The following PRKN variants were observed in gnomAD, a reference collection of about 807,000 sequenced individuals.
The protein encoded by PRKN is parkin RBR E3 ubiquitin protein ligase.
PRKN carries 56 observed loss-of-function variants against 59.5 expected under a neutral mutation model. The ratio of observed to expected loss-of-function variants is 0.94; its 90% CI spans 0.76 to 1.18. PRKN has a LOEUF of 1.18. PRKN is among the 50% of genes most tolerant of loss of function. The pLI is 0.00. For missense variants in PRKN, 657 were observed against 596.4 expected, an observed-to-expected ratio of 1.10 and a Z score of -1.06; for synonymous variants, 250 against 222.1, an observed-to-expected ratio of 1.13 and a Z score of -1.12.
chr6:162,642,517 G>C (rs1161116228), intron 1 of PRKN, among the ~76,000 whole-genome samples: 2 of 151,734 alleles, frequency 1.3e-5, no homozygotes, highest in Non-Finnish European at 2.9e-5. Flanking sequence ...TAAAATCATT[G>C]GTCAAAACTG....
chr6:162,166,654 G>C (rs1015375054), intron 4 of PRKN, among the ~76,000 whole-genome samples: 1 of 152,116 alleles, frequency 6.6e-6, no homozygotes, highest in Non-Finnish European at 1.5e-5. Flanking sequence ...AAAATGAGAC[G>C]AATTGGTAAG....
intron 2 of PRKN, among the ~76,000 whole-genome samples, chr6:162,424,012 A>G (rs1365003274): frequency 1.3e-5 from 2 of 152,206 alleles, no homozygotes; most frequent in Non-Finnish European, 2.9e-5. Flanking sequence ...GTGTCCTCAT[A>G]GGGTGAACAG....
chr6:162,547,817 G>A (rs1226272307), intron 1 of PRKN, among the ~76,000 whole-genome samples: 2 of 151,924 alleles, frequency 1.3e-5, no homozygotes, highest in East Asian at 3.9e-4. Flanking sequence ...CCTGACCTCA[G>A]GAGATACATC....
At chr6:161,600,438 T>C (rs1782066439) in intron 7 of PRKN, among the ~76,000 whole-genome samples, 1 of 152,226 alleles carries the variant, frequency 6.6e-6, no homozygotes, top group African/African-American at 2.4e-5. Flanking sequence ...TTGTTAATCA[T>C]TCTCTGTCCA....
intron 1 of PRKN, chr6:162,643,844 T>C (rs1778063068): frequency 6.6e-6 from 1 of 152,218 alleles, no homozygotes; most frequent in African/African-American, 2.4e-5. Flanking sequence ...AATACTCATT[T>C]TACTTCGTGT....
intron 1 of PRKN, among the ~76,000 whole-genome samples, chr6:162,686,403 T>C (rs1353144175): frequency 1.3e-5 from 2 of 152,104 alleles, no homozygotes; most frequent in African/African-American, 2.4e-5. Flanking sequence ...ACGGCTGATT[T>C]TGGAGGAGAA....
rs937893302 is a variant in PRKN at position 162,372,763 on chromosome 6, T to A, written c.171+70547A>T. 4.6e-5 allele frequency among the ~76,000 whole-genome samples: 7 copies of A among 152,146 alleles called. No individual in the cohort carries two copies. The East Asian group carries it at 7.7e-4, about 17-fold the overall frequency. On this transcript the variant is annotated intron_variant, in intron 2 of 11. Transcript: ENST00000366898. ...ATTACAAATAAATGAATAAATAAAA[T>A]TTTTTAAAATACAGTTAAGAAGGGG...
intron 2 of PRKN, among the ~76,000 whole-genome samples, chr6:162,315,721 A>G (rs1782728976): frequency 6.6e-6 from 1 of 152,094 alleles, no homozygotes; most frequent in African/African-American, 2.4e-5. Context: ...TTTTTTGGAA[A>G]TGGCTTAAAA....
In PRKN at chr6:161,445,804, C is replaced by CCTTCCCTTCCCTTCT. The variant is rs1789460238; in HGVS notation, c.1084-58928_1084-58927insAGAAGGGAAGGGAAG. ...CAAAGAATACAAGGGGTTTCCCTTCCCTTCCCTTCCCTTCCCTTCCCTTCC... is the reference window on the plus strand; with the variant it reads ...CAAAGAATACAAGGGGTTTCCCTTCCCTTCCCTTCCCTTCTCTTCCCTTCCCTTCCCTTCCCTTCC... On this transcript the variant is annotated intron_variant, in intron 9 of 11. Coordinates refer to ENST00000366898, the MANE Select transcript of PRKN (RefSeq NM_004562.3). This position sits in a 1 kb window ranked among gnomAD's most constrained non-coding sequence, Gnocchi z 7.7. Among the ~76,000 whole-genome samples the CCTTCCCTTCCCTTCT allele has an allele frequency of 2.2e-5, 2 of 88,926 alleles. No homozygotes were observed. The highest frequency in any genetic ancestry group is 5.2e-5 in the Non-Finnish European group (2 of 38,232). The allele number at this position is 88,926 out of a possible 152,430, so 58.3% of individuals were successfully genotyped here. A position where few individuals can be genotyped will look rare whatever the true frequency, so the allele number is the denominator to read the frequency against.
In PRKN at chr6:161,399,295, T is replaced by C. The variant is rs943052781; in HGVS notation, c.1084-12418A>G. 6.6e-6 allele frequency among the ~76,000 whole-genome samples: 1 copy of C among 152,076 alleles called. No homozygotes were observed. Among genetic ancestry groups the C allele is most frequent in the Non-Finnish European group, 1.5e-5 (1 of 68,006 alleles). ...ATTTTTCTGGATGCCAGACAAGAAC[T>C]TGGAATATGGAAAGCTGTCACACTG... is the stretch of plus-strand genomic sequence containing the variant. On this transcript the variant is annotated intron_variant, in intron 9 of 11. Transcript: ENST00000366898. The surrounding 1 kb of genome is among the most constrained non-coding windows in gnomAD (Gnocchi z 4.4).
intron 2 of PRKN, among the ~76,000 whole-genome samples, chr6:162,387,065 T>C (rs527738101): frequency 6.6e-6 from 1 of 152,102 alleles, no homozygotes; most frequent in Non-Finnish European, 1.5e-5. Context: ...CATTTATTTA[T>C]TTATTTTTAA....
At chr6:162,329,629 A>C (rs192922610) in intron 2 of PRKN, among the ~76,000 whole-genome samples, 1 of 152,120 alleles carries the variant, frequency 6.6e-6, no homozygotes, top group Non-Finnish European at 1.5e-5. Context: ...AGAGGAATAT[A>C]AAGGGGAACT....
At position 162,519,229 on chromosome 6, in the gene PRKN, A is replaced by G. The variant is rs1388643148; in HGVS notation, c.8-75756T>C. 3.3e-5 allele frequency among the ~76,000 whole-genome samples: 5 copies of G among 152,300 alleles called. No individual in the cohort carries two copies. In the East Asian group the frequency reaches 5.8e-4, roughly 18 times the overall value. ...AGGGAGGGTCAGTATTTACGAAGTG[A>G]CTCATTTAAAATACGGAATAACTTA... On this transcript the variant is annotated intron_variant, in intron 1 of 11. Coordinates refer to ENST00000366898, the MANE Select transcript of PRKN (RefSeq NM_004562.3).
At position 162,667,203 on chromosome 6, in the gene PRKN, G is replaced by A. The variant is rs921058442; in HGVS notation, c.7+60459C>T. 5.5e-4 allele frequency among the ~76,000 whole-genome samples: 84 copies of A among 151,994 alleles called. 4 individuals carry two copies. Among genetic ancestry groups the A allele is most frequent in the Admixed American group, 4.9e-3 (75 of 15,258 alleles). On this transcript the variant is annotated intron_variant, in intron 1 of 11. Coordinates refer to ENST00000366898, the MANE Select transcript of PRKN (RefSeq NM_004562.3). Reference sequence around the variant, plus strand: ...ATTGGCACAGATTATATTTCTGTGCGTGACAAATTTACCTTAGCAATTTGT... The same window carrying A: ...ATTGGCACAGATTATATTTCTGTGCATGACAAATTTACCTTAGCAATTTGT...
At position 162,194,912 on chromosome 6, in the gene PRKN, A is replaced by C. The variant is rs969975109; in HGVS notation, c.534+6219T>G. On this transcript the variant is annotated intron_variant, in intron 4 of 11. Transcript: ENST00000366898. ...GACCAAGGAGAACACAAGCAAAGAG[A>C]GTGGGCGTGAAAAGGAGATGAAGTA... Among the ~76,000 whole-genome samples, 5 of 152,130 alleles carry C rather than the reference A, an allele frequency of 3.3e-5. No homozygotes were observed. The East Asian group carries it at 9.7e-4, about 30-fold the overall frequency.
intron 3 of PRKN, among the ~76,000 whole-genome samples, chr6:162,224,551 G>C (rs1221603128): frequency 6.6e-6 from 1 of 152,166 alleles, no homozygotes; most frequent in Non-Finnish European, 1.5e-5. Context: ...ATGTGCATGT[G>C]GGGAAGGACA....
chr6:162,509,278 C>T (rs967308945), intron 1 of PRKN, among the ~76,000 whole-genome samples: 11 of 152,094 alleles, frequency 7.2e-5, no homozygotes, highest in African/African-American at 2.7e-4. Flanking sequence ...ACCTGGTATC[C>T]ATTAGGGACC....
chr6:162,613,545 A>G (rs963707184), intron 1 of PRKN, among the ~76,000 whole-genome samples: 3 of 152,184 alleles, frequency 2.0e-5, no homozygotes, highest in African/African-American at 7.2e-5. Flanking sequence ...TATAACCAAG[A>G]CAGCTGAACT....
intron 6 of PRKN, among the ~76,000 whole-genome samples, chr6:161,958,262 G>T (rs561780917): frequency 1.3e-4 from 20 of 152,066 alleles, no homozygotes; most frequent in African/African-American, 4.8e-4. Context: ...AATTTTTAGC[G>T]CAATAATTGT....
Sources: allele counts gnomAD v4.1 joint callset (sites outside exome capture counted in the v4.1 genomes callset), GRCh38; gene constraint gnomAD v4.1.1; non-coding constraint Gnocchi (gnomAD v3.1); transcripts MANE v1.5; gene names NCBI Gene and HGNC (gene_info 2026-07-23, HGNC 2026-07-21).